The following FAM47C variants were observed in gnomAD, a reference collection of about 807,000 sequenced individuals.
FAM47C encodes putative protein FAM47C.
For missense variants in FAM47C, 847 were observed against 879.9 expected, an observed-to-expected ratio of 0.96 and a Z score of 0.47; for synonymous variants, 307 against 346.5, an observed-to-expected ratio of 0.89 and a Z score of 1.27.
At position 37,010,831 on chromosome X, in the gene FAM47C, T is replaced by C. The variant is rs371425971; in HGVS notation, c.2421T>C (p.Gly807=). ...TCCGCCTGGAGCCTCCCAAGACTGGTCGGGTGTCCAGTCTCTGCCCGGAGC... is the reference window on the plus strand; with the variant it reads ...TCCGCCTGGAGCCTCCCAAGACTGGCCGGGTGTCCAGTCTCTGCCCGGAGC... The part of the protein sequence containing the change: ...SSLRLEPPKT[G]RVSSLCPEPT... Residue 807 remains glycine (G), a synonymous_variant, in exon 1 of 1, where the codon GGT becomes GGC. Coordinates refer to ENST00000358047, the MANE Select transcript of FAM47C (RefSeq NM_001013736.3). 2 of 1,209,298 alleles carry C rather than the reference T, an allele frequency of 1.7e-6. No individual in the cohort carries two copies. Among genetic ancestry groups the C allele is most frequent in the African/African-American group, 3.5e-5 (2 of 56,885 alleles).
Position 37,009,619 on chromosome X carries a change from C to A in FAM47C, c.1209C>A (p.Phe403Leu), listed in dbSNP as rs782239857. ...ETPKNGVSPL[F>L]PEPPKTRISN... ...CCAAGAATGGAGTGTCTCCTCTCTTCCCGGAGCCTCCCAAGACTCGCATAT... is the reference window on the plus strand; with the variant it reads ...CCAAGAATGGAGTGTCTCCTCTCTTACCGGAGCCTCCCAAGACTCGCATAT... The change falls in exon 1 of 1, where the codon TTC (phenylalanine) becomes TTA (leucine). Residue 403 changes from phenylalanine to leucine, a missense_variant. Transcript: ENST00000358047. The A allele has an allele frequency of 1.3e-5, 16 of 1,209,381 alleles. No individual in the cohort carries two copies. The East Asian group carries it at 4.5e-4, about 34-fold the overall frequency.
rs1927682875 is a variant in FAM47C, at chrX:37,009,052, T to C, written c.642T>C (p.Pro214=). The C allele has an allele frequency of 8.3e-7, 1 of 1,208,658 alleles. No homozygotes were observed. The highest frequency in any genetic ancestry group is 1.1e-6 in the Non-Finnish European group (1 of 894,637). The change falls in exon 1 of 1, where the codon CCT becomes CCC. Residue 214 remains proline, a synonymous_variant. Transcript: ENST00000358047. ...CGGTGTCCAGTCTCCGCCCGGAGCC[T>C]CCAGAGACTGGAGTGTCCCATCTCC... ...KTPVSSLRPE[P]PETGVSHLRP...
rs782727959 is a variant in FAM47C, at chrX:37,008,695, A to G, written c.285A>G (p.Lys95=). ...GPQADPKSRK[K]KLLKKAALFS... ...AAGCTGACCCCAAAAGCAGGAAGAA[A>G]AAGCTGCTCAAGAAAGCGGCCCTGT... is the stretch of plus-strand genomic sequence containing the variant. The change falls in exon 1 of 1, where the codon AAA becomes AAG. Residue 95 remains lysine (K), a synonymous_variant. Transcript: ENST00000358047. 25 of 1,210,594 alleles carry G rather than the reference A, an allele frequency of 2.1e-5. No homozygotes were observed. Among genetic ancestry groups the G allele is most frequent in the Non-Finnish European group, 2.8e-5 (25 of 895,349 alleles).
Position 37,011,410 on chromosome X carries a change from G to A in FAM47C, c.3000G>A (p.Leu1000=), listed in dbSNP as rs1471727563. 8.3e-6 allele frequency: 10 copies of A among 1,212,054 alleles called. No homozygotes were observed. Among genetic ancestry groups the A allele is most frequent in the Non-Finnish European group, 1.1e-5 (10 of 895,539 alleles). The change falls in exon 1 of 1, where the codon CTG becomes CTA. Residue 1000 remains leucine (L), a synonymous_variant. Transcript: ENST00000358047. ...GYEMPGIIQR[L]FARRGWTYDS... The stretch of plus-strand genomic sequence containing the variant: ...AAATGCCTGGCATCATTCAAAGGCT[G>A]TTTGCCAGGAGGGGATGGACTTATG...
rs142090974 is a variant in FAM47C, at chrX:37,008,785, G to A, written c.375G>A (p.Leu125=). 30 of 1,209,779 alleles carry A rather than the reference G, an allele frequency of 2.5e-5. No individual in the cohort carries two copies. The African/African-American group carries it at 4.9e-4, about 20-fold the overall frequency. The stretch of plus-strand genomic sequence containing the variant: ...TCGTAGAGGAAGTGGAAGCCCAGCT[G>A]ATGACCAAGCATCCCTTGGCCATGT... ...KAFVEEVEAQ[L]MTKHPLAMYP... The change falls in exon 1 of 1, where the codon CTG becomes CTA. Residue 125 remains leucine (L), a synonymous_variant. Coordinates refer to ENST00000358047, the MANE Select transcript of FAM47C (RefSeq NM_001013736.3).
rs781943770 is a variant in FAM47C, at chrX:37,009,929, G to A, written c.1519G>A (p.Val507Ile). 20 of 1,199,536 alleles carry A rather than the reference G, an allele frequency of 1.7e-5. No individual in the cohort carries two copies. The African/African-American group carries it at 2.0e-4, about 12-fold the overall frequency. The change falls in exon 1 of 1, where the codon GTA becomes ATA. Residue 507 changes from valine to isoleucine, a missense_variant. Coordinates refer to ENST00000358047, the MANE Select transcript of FAM47C (RefSeq NM_001013736.3). ...HLCPEPPKTRVSHLRPEPSET... is the reference protein window; with the variant it reads ...HLCPEPPKTRISHLRPEPSET... Reference sequence around the variant, plus strand: ...CTGCCCAGAGCCCCCCAAGACACGCGTATCTCATCTCCGCCCAGAGCCTTC... The same window carrying A: ...CTGCCCAGAGCCCCCCAAGACACGCATATCTCATCTCCGCCCAGAGCCTTC...
rs1989053476 is a variant in FAM47C, at chrX:37,008,959, T to A, written c.549T>A (p.Cys183Ter). The change falls in exon 1 of 1, where the codon TGT becomes TGA. Residue 183 changes from cysteine (C) to a stop codon, truncating the protein, a stop_gained. Transcript: ENST00000358047. LOFTEE classifies it low-confidence loss of function (END_TRUNC). ...DEPTEPGKYPCGEFSPRPPET... is the reference protein window; with the variant it reads ...DEPTEPGKYP ...CCACGGAGCCTGGTAAATACCCCTG[T>A]GGGGAATTCTCCCCTCGGCCTCCCG... 1 of 1,209,999 alleles carries A rather than the reference T, an allele frequency of 8.3e-7. No individual in the cohort carries two copies. The highest frequency in any genetic ancestry group is 1.7e-5 in the African/African-American group (1 of 57,229).
In FAM47C at chrX:37,008,648, A is replaced by C; in HGVS notation, c.238A>C (p.Lys80Gln). 8.3e-7 allele frequency: 1 copy of C among 1,212,005 alleles called. No individual in the cohort carries two copies. Among genetic ancestry groups the C allele is most frequent in the Non-Finnish European group, 1.1e-6 (1 of 895,572 alleles). ...TCGCCGTGACGAGTTTTTACTCCCC[A>C]AAATATCTCTCAGAGGTCCCCAAGC... is the stretch of plus-strand genomic sequence containing the variant. ...VCRRDEFLLP[K>Q]ISLRGPQADP... Residue 80 changes from lysine (K) to glutamine (Q), a missense_variant, in exon 1 of 1, where the codon AAA becomes CAA. Transcript: ENST00000358047.
At position 37,008,464 on chromosome X, in the gene FAM47C, G is replaced by C; in HGVS notation, c.54G>C (p.Thr18=). The C allele has an allele frequency of 8.3e-7, 1 of 1,212,028 alleles. No individual in the cohort carries two copies. The highest frequency in any genetic ancestry group is 1.1e-6 in the Non-Finnish European group (1 of 895,311). ...CCAGTTCCCCGGGCATGGACTCCAC[G>C]CCCTGGTACTGTGACAAACCGCCTT... The part of the protein sequence containing the change: ...DRPSSPGMDS[T]PWYCDKPPSK... Residue 18 remains threonine, a synonymous_variant, in exon 1 of 1, where the codon ACG becomes ACC. Transcript: ENST00000358047.
At position 37,010,615 on chromosome X, in the gene FAM47C, G is replaced by A. The variant is rs781896465; in HGVS notation, c.2205G>A (p.Val735=). The A allele has an allele frequency of 5.0e-6, 6 of 1,205,829 alleles. No homozygotes were observed. In the Admixed American group the frequency reaches 8.8e-5, roughly 18 times the overall value. The part of the protein sequence containing the change: ...HLCPEPPETG[V]SHLRPEPPKP... ...GCCCGGAGCCTCCTGAGACTGGAGT[G>A]TCCCATCTCCGCCCAGAGCCTCCCA... The change falls in exon 1 of 1, where the codon GTG becomes GTA. Residue 735 remains valine, a synonymous_variant. Coordinates refer to ENST00000358047, the MANE Select transcript of FAM47C (RefSeq NM_001013736.3).
rs1556333283 is a variant in FAM47C at position 37,011,002 on chromosome X, T to C, written c.2592T>C (p.Asn864=). The C allele has an allele frequency of 4.1e-6, 5 of 1,212,187 alleles. No individual in the cohort carries two copies. The Admixed American group carries it at 8.7e-5, about 21-fold the overall frequency. The change falls in exon 1 of 1, where the codon AAT becomes AAC. Residue 864 remains asparagine, a synonymous_variant. Transcript: ENST00000358047. ...DFKWAGDLGV[N]EESISSLFDF... ...AGTGGGCTGGAGACCTAGGAGTTAA[T>C]GAAGAATCCATCAGCAGTCTGTTTG...
In FAM47C at chrX:37,011,077, G is replaced by A. The variant is rs782256248; in HGVS notation, c.2667G>A (p.Lys889=). Residue 889 remains lysine (K), a synonymous_variant, in exon 1 of 1, where the codon AAG becomes AAA. Coordinates refer to ENST00000358047, the MANE Select transcript of FAM47C (RefSeq NM_001013736.3). ...CCTATCAAGACCAAAAGAATAAGAA[G>A]GCAAACGAGTGTTCCTCAGGGCTGA... ...RATYQDQKNK[K]ANECSSGLKY... 1 of 1,211,852 alleles carries A rather than the reference G, an allele frequency of 8.3e-7. No homozygotes were observed. Among genetic ancestry groups the A allele is most frequent in the Non-Finnish European group, 1.1e-6 (1 of 895,578 alleles).
At position 37,010,998 on chromosome X, in the gene FAM47C, T is replaced by G; in HGVS notation, c.2588T>G (p.Val863Gly). 2 of 1,210,332 alleles carry G rather than the reference T, an allele frequency of 1.7e-6. No individual in the cohort carries two copies. Among genetic ancestry groups the G allele is most frequent in the Non-Finnish European group, 2.2e-6 (2 of 895,004 alleles). ...TTCAAGTGGGCTGGAGACCTAGGAG[T>G]TAATGAAGAATCCATCAGCAGTCTG... ...RDFKWAGDLG[V>G]NEESISSLFD... Residue 863 changes from valine to glycine, a missense_variant, in exon 1 of 1, where the codon GTT (valine) becomes GGT (glycine). Physicochemically the swap from Val to Gly is moderately radical, Grantham distance 109 (BLOSUM62 -3). Transcript: ENST00000358047.
In FAM47C at chrX:37,010,665, C is replaced by G; in HGVS notation, c.2255C>G (p.Pro752Arg). The G allele has an allele frequency of 8.3e-7, 1 of 1,205,441 alleles. No homozygotes were observed. Among genetic ancestry groups the G allele is most frequent in the Non-Finnish European group, 1.1e-6 (1 of 893,491 alleles). The change falls in exon 1 of 1, where the codon CCA becomes CGA. Residue 752 changes from proline (P) to arginine (R), a missense_variant. Physicochemically the swap from Pro to Arg is moderately radical, Grantham distance 103. Coordinates refer to ENST00000358047, the MANE Select transcript of FAM47C (RefSeq NM_001013736.3). ...AAGCCTCGGGTTTCCAGTCTCCGCCCAGAGCCTCTTGAGACTCGCGTATCT... is the reference window on the plus strand; with the variant it reads ...AAGCCTCGGGTTTCCAGTCTCCGCCGAGAGCCTCTTGAGACTCGCGTATCT... ...PPKPRVSSLR[P>R]EPLETRVSHL...
chrX:37,011,126 A>G lies in FAM47C; in HGVS notation c.2716A>G (p.Met906Val), dbSNP rs56928700. Residue 906 changes from methionine (M) to valine (V), a missense_variant, in exon 1 of 1, where the codon ATG becomes GTG. Transcript: ENST00000358047. ...GLKYSMELDE[M>V]DEVKFFSQEK... ...GAAGTACAGCATGGAGCTAGACGAAATGGATGAGGTCAAATTCTTCTCACA... is the reference window on the plus strand; with the variant it reads ...GAAGTACAGCATGGAGCTAGACGAAGTGGATGAGGTCAAATTCTTCTCACA... 9.5e-4 allele frequency: 1,152 copies of G among 1,209,880 alleles called. 5 individuals carry two copies. The East Asian group carries it at 0.013, about 14-fold the overall frequency.
Position 37,010,822 on chromosome X carries a change from C to A in FAM47C, c.2412C>A (p.Pro804=). The change falls in exon 1 of 1, where the codon CCC becomes CCA. Residue 804 remains proline (P), a synonymous_variant. Coordinates refer to ENST00000358047, the MANE Select transcript of FAM47C (RefSeq NM_001013736.3). ...TGTCCAGTCTCCGCCTGGAGCCTCC[C>A]AAGACTGGTCGGGTGTCCAGTCTCT... is the stretch of plus-strand genomic sequence containing the variant. ...RRVSSLRLEP[P]KTGRVSSLCP... 1.7e-6 allele frequency: 2 copies of A among 1,210,878 alleles called. No homozygotes were observed. The highest frequency in any genetic ancestry group is 4.3e-5 in the Admixed American group (2 of 46,002).
chrX:37,010,433 G>T lies in FAM47C; in HGVS notation c.2023G>T (p.Val675Leu), dbSNP rs782505862. 5 of 1,182,403 alleles carry T rather than the reference G, an allele frequency of 4.2e-6. No individual in the cohort carries two copies. The change falls in exon 1 of 1, where the codon GTG becomes TTG. Residue 675 changes from valine to leucine, a missense_variant. Val to Leu is a conservative substitution (Grantham distance 32, BLOSUM62 1). Transcript: ENST00000358047. ...SLPPEPPETG[V>L]SHLCPEPPET... ...CCCCCCGGAGCCCCCCGAGACTGGA[G>T]TGTCCCATCTCTGCCCGGAGCCTCC...
Position 37,011,587 on chromosome X carries a change from A to T in FAM47C, c.*69A>T. 9.4e-6 allele frequency: 9 copies of T among 960,007 alleles called. No individual in the cohort carries two copies. Among genetic ancestry groups the T allele is most frequent in the Non-Finnish European group, 1.3e-5 (9 of 701,445 alleles). The allele number at this position is 960,007 out of a possible 1,213,427, so 79.1% of individuals were successfully genotyped here. ...TTTTAAACATCAGTCAGAATTTATGATGACTGGCCCCAGGAATGTACAACG... is the reference window on the plus strand; with the variant it reads ...TTTTAAACATCAGTCAGAATTTATGTTGACTGGCCCCAGGAATGTACAACG... On this transcript the variant is annotated 3_prime_UTR_variant, in exon 1 of 1. Coordinates refer to ENST00000358047, the MANE Select transcript of FAM47C (RefSeq NM_001013736.3).
chrX:37,010,126 G>C lies in FAM47C; in HGVS notation c.1716G>C (p.Pro572=). Residue 572 remains proline (P), a synonymous_variant, in exon 1 of 1, where the codon CCG becomes CCC. Coordinates refer to ENST00000358047, the MANE Select transcript of FAM47C (RefSeq NM_001013736.3). ...AGACTCGGATGTACAGTCTCCGCCC[G>C]GAGCCTCCCGATACTGGAGTGTCCC... ...PPKTRMYSLR[P]EPPDTGVSHL... is the part of the protein sequence containing the mutation. The C allele has an allele frequency of 1.7e-6, 2 of 1,181,020 alleles. No homozygotes were observed. The highest frequency in any genetic ancestry group is 2.3e-6 in the Non-Finnish European group (2 of 884,197).
Sources: gnomAD v4.1 joint callset for allele counts on GRCh38, gnomAD v4.1.1 for gene constraint, MANE v1.5 for transcripts, NCBI Gene and HGNC (gene_info 2026-07-23, HGNC 2026-07-21) for gene names.